IL1RAPL2: variants seen among roughly 807,000 people sequenced by gnomAD.
IL1RAPL2 encodes X-linked interleukin-1 receptor accessory protein-like 2.
A neutral mutation model predicts 44.1 loss-of-function variants in IL1RAPL2; 3 were observed. The observed-to-expected ratio is 0.07, with a 90% CI of 0.03 to 0.18. The LOEUF (loss-of-function observed/expected upper bound fraction) is 0.18. IL1RAPL2 is among the 10% of genes least tolerant of loss of function. The probability of loss-of-function intolerance (pLI) is 1.00; values close to 1 mark genes in which losing one functional copy is unlikely to be tolerated. For synonymous variants in IL1RAPL2, 181 were observed against 178.8 expected, an observed-to-expected ratio of 1.01 and a Z score of -0.10; for missense variants, 391 against 496.4, an observed-to-expected ratio of 0.79 and a Z score of 2.02.
At chrX:105,412,306 G>GTATATATATATATATA (rs56979628) in intron 5 of IL1RAPL2, among the ~76,000 whole-genome samples, 2 of 93,178 alleles carry the variant, frequency 2.1e-5, no homozygotes, top group Non-Finnish European at 4.3e-5. Flanking sequence ...GAAAAATGTA[G>GTATATATATATATATA]TATATATATA....
intron 5 of IL1RAPL2, among the ~76,000 whole-genome samples, chrX:105,439,092 T>C (rs985643239): frequency 4.5e-5 from 5 of 111,640 alleles, no homozygotes; most frequent in Admixed American, 9.6e-5. Context: ...TCTGCCATGA[T>C]TGTAAGTTTC....
chrX:105,633,954 C>A (rs1395887548), intron 6 of IL1RAPL2, among the ~76,000 whole-genome samples: 2 of 110,760 alleles, frequency 1.8e-5, no homozygotes, highest in Non-Finnish European at 3.8e-5. Context: ...ATGATTTTGC[C>A]TAGATTTCAC....
At chrX:105,760,628 G>T (rs780912096) in intron 10 of IL1RAPL2, among the ~76,000 whole-genome samples, 1 of 112,008 alleles carries the variant, frequency 8.9e-6, no homozygotes, top group South Asian at 3.7e-4. Context: ...GAAAGTACAG[G>T]ATTCATTACT....
chrX:105,710,635 T>G (rs2038201882), intron 6 of IL1RAPL2, among the ~76,000 whole-genome samples: 1 of 110,318 alleles, frequency 9.1e-6, no homozygotes, highest in Non-Finnish European at 1.9e-5. Context: ...AACTTCTTTT[T>G]TTTAGTAGAT....
intron 2 of IL1RAPL2, among the ~76,000 whole-genome samples, chrX:104,793,131 G>A (rs1403694569): frequency 3.6e-5 from 4 of 112,374 alleles, no homozygotes; most frequent in African/African-American, 1.3e-4. Flanking sequence ...TGGTCCAGCA[G>A]TTAAGGTCAT....
chrX:104,963,575 A>G (rs1179764250), intron 2 of IL1RAPL2, among the ~76,000 whole-genome samples: 1 of 111,633 alleles, frequency 9.0e-6, no homozygotes, highest in Non-Finnish European at 1.9e-5. Flanking sequence ...GGTAGTAAAT[A>G]GATTTCCATG....
At chrX:104,808,612 G>A (rs1393358923) in intron 2 of IL1RAPL2, among the ~76,000 whole-genome samples, 1 of 111,675 alleles carries the variant, frequency 9.0e-6, no homozygotes, top group African/African-American at 3.3e-5. Flanking sequence ...TCAAGTGCAA[G>A]TAGATAAGGA....
chrX:105,039,010 GA>G (rs933505979), intron 2 of IL1RAPL2, among the ~76,000 whole-genome samples: 4 of 111,347 alleles, frequency 3.6e-5, no homozygotes, highest in Non-Finnish European at 7.5e-5. Context: ...TCATATCAAG[GA>G]AAAATGACAT....
intron 2 of IL1RAPL2, among the ~76,000 whole-genome samples, chrX:104,801,548 T>C (rs1932885648): frequency 9.0e-6 from 1 of 111,716 alleles, no homozygotes; most frequent in African/African-American, 3.3e-5. Flanking sequence ...ACATGAGTAT[T>C]TGTAAATAGG....
intron 2 of IL1RAPL2, among the ~76,000 whole-genome samples, chrX:104,904,319 T>A (rs1923912075): frequency 9.1e-6 from 1 of 110,051 alleles, no homozygotes; most frequent in Non-Finnish European, 1.9e-5. Flanking sequence ...CTCATTATTA[T>A]ACTTTAAGTT....
chrX:105,554,932 A>G (rs2036885842), intron 6 of IL1RAPL2, among the ~76,000 whole-genome samples: 1 of 110,649 alleles, frequency 9.0e-6, no homozygotes, highest in Non-Finnish European at 1.9e-5. Context: ...GACATTTATT[A>G]CTAAGCATAG....
chrX:105,506,572 G>A (rs1423024588), intron 6 of IL1RAPL2, among the ~76,000 whole-genome samples: 1 of 111,574 alleles, frequency 9.0e-6, no homozygotes, highest in Non-Finnish European at 1.9e-5. Context: ...CACTTTCACT[G>A]CATTCTGTTG....
chrX:105,625,829 C>T lies in IL1RAPL2; in HGVS notation c.773-91538C>T, dbSNP rs150099124. ...ATTAGAAAAAAAAAAATCAATGTTC[C>T]GGCAGATTCAAACAGCAGTTCAGGC... On this transcript the variant is annotated intron_variant, in intron 6 of 10. Transcript: ENST00000372582. Among the ~76,000 whole-genome samples, 236 of 111,241 alleles carry T rather than the reference C, an allele frequency of 2.1e-3. 2 individuals carry two copies. The highest frequency in any genetic ancestry group is 7.5e-3 in the African/African-American group (229 of 30,688).
At chrX:105,584,465 C>T (rs755111601) in intron 6 of IL1RAPL2, among the ~76,000 whole-genome samples, 2 of 109,526 alleles carry the variant, frequency 1.8e-5, no homozygotes, top group East Asian at 2.9e-4. Context: ...TCGTTTCATC[C>T]TTTTATTTTT....
chrX:104,728,796 C>T (rs1194202054), intron 2 of IL1RAPL2, among the ~76,000 whole-genome samples: 1 of 111,724 alleles, frequency 9.0e-6, no homozygotes, highest in Non-Finnish European at 1.9e-5. Context: ...GACTTCTAGC[C>T]TTCAGAACTG....
chrX:105,610,074 T>A (rs752301787), intron 6 of IL1RAPL2, among the ~76,000 whole-genome samples: 1 of 111,646 alleles, frequency 9.0e-6, no homozygotes, highest in South Asian at 3.8e-4. Context: ...CATTTGAGAA[T>A]ATCTCTTACT....
intron 1 of IL1RAPL2, among the ~76,000 whole-genome samples, chrX:104,613,009 T>C (rs1236883674): frequency 8.9e-6 from 1 of 111,970 alleles, no homozygotes; most frequent in African/African-American, 3.2e-5. Context: ...TACTTATTTT[T>C]GTATATTAAT....
chrX:104,887,594 A>G (rs1410613423), intron 2 of IL1RAPL2, among the ~76,000 whole-genome samples: 1 of 111,450 alleles, frequency 9.0e-6, no homozygotes, highest in Non-Finnish European at 1.9e-5. Context: ...ATCAGACACC[A>G]CCTACTTAGA....
At chrX:104,909,780 G>A (rs915761104) in intron 2 of IL1RAPL2, among the ~76,000 whole-genome samples, 7 of 112,600 alleles carry the variant, frequency 6.2e-5, no homozygotes, top group Non-Finnish European at 1.3e-4. Context: ...AGTCTGCAGA[G>A]GTTACTGCTG....
Sources: allele counts gnomAD v4.1 joint callset (sites outside exome capture counted in the v4.1 genomes callset), GRCh38; gene constraint gnomAD v4.1.1; transcripts MANE v1.5; gene names NCBI Gene and HGNC (gene_info 2026-07-23, HGNC 2026-07-21).